DENND2A: variants seen among roughly 807,000 people sequenced by gnomAD.
DENND2A encodes the protein DENN domain-containing protein 2A.
In DENND2A, 53 loss-of-function variants were observed where a neutral mutation model predicts 105.3. That is an observed-to-expected ratio of 0.50 (90% CI 0.40 to 0.63). The LOEUF (loss-of-function observed/expected upper bound fraction) is 0.63. DENND2A is among the 30% of genes least tolerant of loss of function. The pLI is 0.00. For missense variants in DENND2A, 1,138 were observed against 1,279.6 expected, an observed-to-expected ratio of 0.89 and a Z score of 1.69; for synonymous variants, 522 against 508.4, an observed-to-expected ratio of 1.03 and a Z score of -0.36.
chr7:140,547,937 G>C (rs1415022135), intron 12 of DENND2A, among the ~76,000 whole-genome samples: 1 of 152,146 alleles, frequency 6.6e-6, no homozygotes, highest in Non-Finnish European at 1.5e-5. Flanking sequence ...AAAATCCAGA[G>C]AGACAGAAAG....
chr7:140,593,564 T>G (rs1799151563), intron 3 of DENND2A, among the ~76,000 whole-genome samples: 2 of 152,238 alleles, frequency 1.3e-5, no homozygotes, highest in African/African-American at 4.8e-5. Context: ...ATTTGGACAA[T>G]GCGGAAGAAT....
chr7:140,630,116 CTTT>C (rs879553771), intron 1 of DENND2A, among the ~76,000 whole-genome samples: 2 of 142,804 alleles, frequency 1.4e-5, no homozygotes, highest in Non-Finnish European at 3.1e-5. Flanking sequence ...TGCGCCAGGT[CTTT>C]TTTTTTTTTA....
intron 3 of DENND2A, among the ~76,000 whole-genome samples, chr7:140,591,869 T>G (rs1413130216): frequency 2.5e-5 from 3 of 118,676 alleles, no homozygotes; most frequent in African/African-American, 7.4e-5. Flanking sequence ...CCCTTCCCTT[T>G]CCTTCCTTCC....
intron 3 of DENND2A, among the ~76,000 whole-genome samples, chr7:140,591,778 CCTTTCTTTCTTTTCTTTT>C (rs1288631779): frequency 1.3e-5 from 2 of 148,842 alleles, no homozygotes; most frequent in Admixed American, 6.7e-5. Flanking sequence ...TTCTTTCCTT[CCTTTCTTTCTTTTCTTTT>C]CTTTCTTTCT....
At chr7:140,637,178 G>GCCCAGTTT (rs1328476861) in intron 1 of DENND2A, among the ~76,000 whole-genome samples, 19 of 142,572 alleles carry the variant, frequency 1.3e-4, no homozygotes, top group Non-Finnish European at 2.4e-4. Flanking sequence ...TAGAGATGGG[G>GCCCAGTTT]TCTCGCCATG....
intron 13 of DENND2A, 56 bp from the exon 14 acceptor site, chr7:140,544,822 C>T (rs1796829173): frequency 6.5e-7 from 1 of 1,548,896 alleles, no homozygotes; most frequent in African/African-American, 1.4e-5. Flanking sequence ...AGCCAGGCCT[C>T]TCACGGGTGT....
intron 14 of DENND2A, among the ~76,000 whole-genome samples, chr7:140,542,108 C>G (rs1796686468): frequency 6.6e-6 from 1 of 152,058 alleles, no homozygotes; most frequent in South Asian, 2.1e-4. Flanking sequence ...GTGGCCTCAT[C>G]TGCACCACCC....
intron 3 of DENND2A, among the ~76,000 whole-genome samples, chr7:140,598,006 G>A (rs1342469198): frequency 7.2e-6 from 1 of 138,976 alleles, no homozygotes; most frequent in East Asian, 2.0e-4. Context: ...CATCCTGTAT[G>A]TATTCTGCAA....
intron 1 of DENND2A, among the ~76,000 whole-genome samples, chr7:140,628,316 C>T (rs555507011): frequency 7.5e-4 from 114 of 152,294 alleles, no homozygotes; most frequent in Middle Eastern, 3.4e-3. Context: ...CCTGTTAGTC[C>T]TCAGTTGCAC....
At position 140,624,858 on chromosome 7, in the gene DENND2A, GT is replaced by G. The variant is rs955912203; in HGVS notation, c.-248+15645del. On this transcript the variant is annotated intron_variant, in intron 1 of 19. Coordinates refer to ENST00000496613, the MANE Select transcript of DENND2A (RefSeq NM_015689.5). The stretch of plus-strand genomic sequence containing the variant: ...GATTTTGTTTTTCTTTGTTTTTTTT[GT>G]TTTTTTTTGTTTTTTTTTTTTTGCT... 2.2e-4 allele frequency among the ~76,000 whole-genome samples: 27 copies of G among 123,804 alleles called. 1 individual carries two copies. Among genetic ancestry groups the G allele is most frequent in the African/African-American group, 8.4e-4 (24 of 28,556 alleles). 81.2% of individuals were successfully genotyped at this position (123,804 alleles called of 152,430 possible). A position where few individuals can be genotyped will look rare whatever the true frequency, so the allele number is the denominator to read the frequency against.
intron 12 of DENND2A, among the ~76,000 whole-genome samples, chr7:140,553,898 TAC>T (rs2130551374): frequency 6.6e-6 from 1 of 152,308 alleles, no homozygotes; most frequent in African/African-American, 2.4e-5. Context: ...TACTTCTTTC[TAC>T]ACAGACACAG....
At chr7:140,593,989 T>G (rs1356442020) in intron 3 of DENND2A, among the ~76,000 whole-genome samples, 1 of 151,936 alleles carries the variant, frequency 6.6e-6, no homozygotes, top group Non-Finnish European at 1.5e-5. Context: ...TACTGCAACC[T>G]CTGCCTCCTG....
intron 1 of DENND2A, among the ~76,000 whole-genome samples, chr7:140,610,435 G>A (rs148057821): frequency 6.6e-6 from 1 of 152,156 alleles, no homozygotes. Flanking sequence ...AATTTTGAGA[G>A]AGAGAGAGAT....
Position 140,527,233 on chromosome 7 carries a change from C to T in DENND2A, c.2505+85G>A. 5 of 1,402,460 alleles carry T rather than the reference C, an allele frequency of 3.6e-6. No homozygotes were observed. In the South Asian group the frequency reaches 7.4e-5, roughly 21 times the overall value. The allele number at this position is 1,402,460 out of a possible 1,614,324, so 86.9% of individuals were successfully genotyped here. On this transcript the variant is annotated intron_variant, in intron 15 of 19. Coordinates refer to ENST00000496613, the MANE Select transcript of DENND2A (RefSeq NM_015689.5). The surrounding 1 kb of genome is among the most constrained non-coding windows in gnomAD (Gnocchi z 4.9). ...TCCCCAACACTGCTGGCTCTGAGAA[C>T]CGCTCCATGATGCCTGCAGAGCCAG... is the stretch of plus-strand genomic sequence containing the variant.
chr7:140,590,478 T>C (rs1424763458), intron 3 of DENND2A, among the ~76,000 whole-genome samples: 1 of 152,230 alleles, frequency 6.6e-6, no homozygotes, highest in African/African-American at 2.4e-5. Flanking sequence ...GATTAGCTTT[T>C]ATCCCAGTGG....
intron 5 of DENND2A, among the ~76,000 whole-genome samples, chr7:140,577,543 G>C (rs956411132): frequency 6.6e-6 from 1 of 151,906 alleles, no homozygotes; most frequent in Non-Finnish European, 1.5e-5. Context: ...GATTACAGGC[G>C]AGTGCCACCA....
chr7:140,551,391 C>T (rs890247355), intron 12 of DENND2A, among the ~76,000 whole-genome samples: 5 of 151,634 alleles, frequency 3.3e-5, no homozygotes, highest in East Asian at 3.9e-4. Context: ...CGTTGCCATG[C>T]GGGTTCTCTG....
chr7:140,580,251 A>G (rs1040277315), intron 5 of DENND2A, among the ~76,000 whole-genome samples: 3 of 152,188 alleles, frequency 2.0e-5, no homozygotes, highest in African/African-American at 7.2e-5. Flanking sequence ...TAACCAGAAA[A>G]ACTTTACAAT....
Position 140,601,701 on chromosome 7 carries a change from C to T in DENND2A, c.697G>A (p.Glu233Lys), listed in dbSNP as rs747679519. The T allele has an allele frequency of 6.2e-7, 1 of 1,614,120 alleles. No individual in the cohort carries two copies. Among genetic ancestry groups the T allele is most frequent in the Non-Finnish European group, 8.5e-7 (1 of 1,180,010 alleles). Residue 233 changes from glutamate to lysine, a missense_variant, in exon 3 of 20, where the codon GAG becomes AAG. Physicochemically the swap from Glu to Lys is moderately conservative, Grantham distance 56. Around this residue, in one of 2 missense-constraint regions of DENND2A, gnomAD observed 511 missense variants for 499.9 expected, o/e 1.02. Transcript: ENST00000496613. ...EGREPTPELV[E>K]DRKGSCRRPW... ...CTTCTGCATGAACCTTTCCTGTCCT[C>T]CACAAGCTCAGGGGTGGGCTCCCTG...
Sources: allele counts gnomAD v4.1 joint callset (sites outside exome capture counted in the v4.1 genomes callset), GRCh38; gene constraint gnomAD v4.1.1; regional missense constraint gnomAD v4.1.1; non-coding constraint Gnocchi (gnomAD v3.1); transcripts MANE v1.5; gene names NCBI Gene and HGNC (gene_info 2026-07-23, HGNC 2026-07-21).